COMMD10: variants seen among roughly 807,000 people sequenced by gnomAD.
The protein encoded by COMMD10 is COMM domain-containing protein 10.
A neutral mutation model predicts 28.9 loss-of-function variants in COMMD10; 33 were observed. That is an observed-to-expected ratio of 1.14 (90% CI 0.87 to 1.53). COMMD10 has a LOEUF of 1.53. COMMD10 is among the 40% of genes most tolerant of loss of function. The pLI, the probability that COMMD10 is intolerant of heterozygous loss-of-function variation, is 0.00. For missense variants in COMMD10, 310 were observed against 233.4 expected (o/e 1.33, Z -2.14); for synonymous variants, 110 against 81.7 (o/e 1.35, Z -1.87).
chr5:116,189,989 A>G (rs367562227), intron 5 of COMMD10, among the ~76,000 whole-genome samples: 35 of 152,228 alleles, frequency 2.3e-4, no homozygotes, highest in African/African-American at 8.4e-4. Context: ...GAGTAGGGCT[A>G]CCTCCACCAA....
At chr5:116,271,826 C>T (rs1750767542) in intron 5 of COMMD10, among the ~76,000 whole-genome samples, 1 of 151,854 alleles carries the variant, frequency 6.6e-6, no homozygotes, top group Admixed American at 6.6e-5. Context: ...AATATTGCTC[C>T]ATACAAACAT....
chr5:116,255,444 TC>T (rs1363970250), intron 5 of COMMD10, among the ~76,000 whole-genome samples: 1 of 151,728 alleles, frequency 6.6e-6, no homozygotes, highest in African/African-American at 2.4e-5. Flanking sequence ...TACTGGTTGT[TC>T]CTTTCCGTGT....
intron 5 of COMMD10, among the ~76,000 whole-genome samples, chr5:116,251,797 G>C (rs1750127054): frequency 6.6e-6 from 1 of 152,018 alleles, no homozygotes; most frequent in Non-Finnish European, 1.5e-5. Context: ...ATAGTCCCTT[G>C]GGTATATACC....
At chr5:116,101,085 A>C (rs1356605544) in intron 4 of COMMD10, among the ~76,000 whole-genome samples, 1 of 152,162 alleles carries the variant, frequency 6.6e-6, no homozygotes, top group African/African-American at 2.4e-5. Context: ...GTTCTTTTTT[A>C]TGGCTCAATA....
At chr5:116,245,035 C>T (rs1208371141) in intron 5 of COMMD10, among the ~76,000 whole-genome samples, 1 of 119,594 alleles carries the variant, frequency 8.4e-6, no homozygotes, top group East Asian at 2.4e-4. Flanking sequence ...AAACATAAAT[C>T]CAGGAGCTGG....
chr5:116,122,962 C>A (rs1464576358), intron 4 of COMMD10, among the ~76,000 whole-genome samples: 1 of 145,838 alleles, frequency 6.9e-6, no homozygotes, highest in Non-Finnish European at 1.6e-5. Flanking sequence ...AACTGAATAC[C>A]CTTTATTTCT....
chr5:116,200,621 T>G (rs1227363932), intron 5 of COMMD10, among the ~76,000 whole-genome samples: 1 of 152,118 alleles, frequency 6.6e-6, no homozygotes, highest in Non-Finnish European at 1.5e-5. Flanking sequence ...TTTGTTTTGT[T>G]TTTGTCTTTG....
At chr5:116,199,760 C>G (rs1426186949) in intron 5 of COMMD10, among the ~76,000 whole-genome samples, 2 of 152,036 alleles carry the variant, frequency 1.3e-5, no homozygotes, top group East Asian at 3.9e-4. Context: ...ATATTTATTT[C>G]TCCTTCAGTT....
intron 5 of COMMD10, among the ~76,000 whole-genome samples, chr5:116,154,748 C>T (rs1752650559): frequency 1.3e-5 from 2 of 151,200 alleles, no homozygotes; most frequent in Admixed American, 6.6e-5. Context: ...TTTTCTTTTT[C>T]TTTTTGCACA....
chr5:116,188,533 C>G (rs925067308), intron 5 of COMMD10: 1 of 152,056 alleles, frequency 6.6e-6, no homozygotes, highest in African/African-American at 2.4e-5. Context: ...AGCATATATG[C>G]TACTGAAGTA....
intron 4 of COMMD10, among the ~76,000 whole-genome samples, chr5:116,118,736 A>G (rs1204887297): frequency 7.5e-6 from 1 of 133,216 alleles, no homozygotes; most frequent in Non-Finnish European, 1.7e-5. Flanking sequence ...AGGTTGAAAC[A>G]GATGGAAATT....
chr5:116,219,510 A>G (rs977087863), intron 5 of COMMD10, among the ~76,000 whole-genome samples: 4 of 152,158 alleles, frequency 2.6e-5, no homozygotes, highest in Admixed American at 6.5e-5. Context: ...AGACATACAT[A>G]AGAGAAGGTG....
intron 5 of COMMD10, among the ~76,000 whole-genome samples, chr5:116,250,628 A>G (rs375931670): frequency 6.6e-6 from 1 of 151,826 alleles, no homozygotes; most frequent in East Asian, 1.9e-4. Context: ...AGCACTTGGT[A>G]TGTTTTCAAG....
At chr5:116,192,426 AG>A (rs1393070317) in intron 5 of COMMD10, among the ~76,000 whole-genome samples, 11 of 152,096 alleles carry the variant, frequency 7.2e-5, no homozygotes, top group African/African-American at 2.7e-4. Flanking sequence ...AAACAATACA[AG>A]AAGTGAAGGG....
chr5:116,267,528 G>A (rs1462752830), intron 5 of COMMD10, among the ~76,000 whole-genome samples: 1 of 151,838 alleles, frequency 6.6e-6, no homozygotes, highest in East Asian at 1.9e-4. Context: ...ACTGCCCAAG[G>A]TAATTTACAG....
At chr5:116,175,264 TA>T (rs143942169) in intron 5 of COMMD10, among the ~76,000 whole-genome samples, 8,691 of 151,598 alleles carry the variant, frequency 0.057, 346 homozygotes, top group East Asian at 0.15. Context: ...GCAGTGGCTT[TA>T]AAAAAAAATT....
intron 5 of COMMD10, among the ~76,000 whole-genome samples, chr5:116,242,675 C>G (rs1359181579): frequency 6.6e-6 from 1 of 152,110 alleles, no homozygotes; most frequent in Non-Finnish European, 1.5e-5. Flanking sequence ...AGGATTCCAG[C>G]CCTCCTACTT....
intron 5 of COMMD10, among the ~76,000 whole-genome samples, chr5:116,185,195 A>C (rs967543329): frequency 6.7e-6 from 1 of 149,366 alleles, no homozygotes; most frequent in African/African-American, 2.6e-5. Context: ...CAATGACCCA[A>C]ACTACAATGT....
chr5:116,284,031 G>A (rs1023184201), intron 5 of COMMD10, among the ~76,000 whole-genome samples: 1 of 151,568 alleles, frequency 6.6e-6, no homozygotes, highest in Non-Finnish European at 1.5e-5. Flanking sequence ...CACAGGCTGA[G>A]GCAGGAGGTT....
Sources: allele counts gnomAD v4.1 joint callset (sites outside exome capture counted in the v4.1 genomes callset), GRCh38; gene constraint gnomAD v4.1.1; transcripts MANE v1.5; gene names NCBI Gene and HGNC (gene_info 2026-07-23, HGNC 2026-07-21).